Variants in SIRPA observed in about 807,000 individuals in gnomAD.
The protein encoded by SIRPA is tyrosine-protein phosphatase non-receptor type substrate 1.
In SIRPA, 9 loss-of-function variants were observed where a neutral mutation model predicts 50.3. The ratio of observed to expected loss-of-function variants is 0.18; its 90% CI spans 0.11 to 0.31. SIRPA has a LOEUF of 0.31. SIRPA is among the 10% of genes least tolerant of loss of function. SIRPA has a pLI of 1.00. For missense variants in SIRPA, 474 were observed against 661.6 expected, an observed-to-expected ratio of 0.72 and a Z score of 3.11; for synonymous variants, 265 against 284.1, an observed-to-expected ratio of 0.93 and a Z score of 0.68.
Position 1,927,265 on chromosome 20 carries a change from T to G in SIRPA, c.1202-610T>G, listed in dbSNP as rs1319758406. Among the ~76,000 whole-genome samples, 1 of 152,266 alleles carries G rather than the reference T, an allele frequency of 6.6e-6. No homozygotes were observed. The highest frequency in any genetic ancestry group is 1.5e-5 in the Non-Finnish European group (1 of 68,044). ...GGCTGCTGAACCCTGGAGGCTTCTC[T>G]GTGGGTTACCCCATATCACAGGTTT... On this transcript the variant is annotated intron_variant, in intron 5 of 7. Transcript: ENST00000358771. This position sits in a 1 kb window ranked among gnomAD's most constrained non-coding sequence, Gnocchi z 6.5.
intron 6 of SIRPA, among the ~76,000 whole-genome samples, chr20:1,929,241 C>G (rs1269658924): frequency 6.6e-6 from 1 of 151,950 alleles, no homozygotes; most frequent in African/African-American, 2.4e-5. Flanking sequence ...ATGTGGAGCC[C>G]AGACTACAGG....
intron 1 of SIRPA, among the ~76,000 whole-genome samples, chr20:1,908,500 C>A (rs1400461608): frequency 6.6e-6 from 1 of 152,130 alleles, no homozygotes; most frequent in Non-Finnish European, 1.5e-5. Context: ...TGCCCACGCC[C>A]ATGATCCCTA....
chr20:1,927,603 C>T lies in SIRPA; in HGVS notation c.1202-272C>T, dbSNP rs924856785. Among the ~76,000 whole-genome samples the T allele has an allele frequency of 4.6e-5, 7 of 152,160 alleles. No homozygotes were observed. The highest frequency in any genetic ancestry group is 1.3e-4 in the Admixed American group (2 of 15,274). ...AGGTGAGACCCAGACAGAGGTAGGGCGGTTGTCGCCTCCCAGGCTGAAGGC... is the reference window on the plus strand; with the variant it reads ...AGGTGAGACCCAGACAGAGGTAGGGTGGTTGTCGCCTCCCAGGCTGAAGGC... On this transcript the variant is annotated intron_variant, in intron 5 of 7. Coordinates refer to ENST00000358771, the MANE Select transcript of SIRPA (RefSeq NM_001040023.2). The surrounding 1 kb of genome is among the most constrained non-coding windows in gnomAD (Gnocchi z 6.5).
At chr20:1,922,691 T>G in intron 4 of SIRPA, 46 bp downstream of exon 4, 1 of 1,532,356 alleles carries the variant, frequency 6.5e-7, no homozygotes, top group Non-Finnish European at 8.8e-7. Flanking sequence ...AACTTTTAGT[T>G]TTGTGGGTTT....
At chr20:1,899,022 G>T (rs775787146) in intron 1 of SIRPA, among the ~76,000 whole-genome samples, 1 of 151,900 alleles carries the variant, frequency 6.6e-6, no homozygotes, top group Non-Finnish European at 1.5e-5. Context: ...TCCCACACGC[G>T]CTCGCTTGCT....
In SIRPA at chr20:1,928,417, T is replaced by C. The variant is rs368798517; in HGVS notation, c.1226+518T>C. On this transcript the variant is annotated intron_variant, in intron 6 of 7. Transcript: ENST00000358771. This position sits in a 1 kb window ranked among gnomAD's most constrained non-coding sequence, Gnocchi z 4.9. ...CTGATGTACGTCACCGATGGCACTT[T>C]AGTTTGTTGATTCACATTTTTAGTG... is the stretch of plus-strand genomic sequence containing the variant. 1.3e-5 allele frequency among the ~76,000 whole-genome samples: 2 copies of C among 152,210 alleles called. No homozygotes were observed. Among genetic ancestry groups the C allele is most frequent in the South Asian group, 2.1e-4 (1 of 4,830 alleles).
chr20:1,925,436 C>T (rs1466843647), intron 5 of SIRPA, among the ~76,000 whole-genome samples: 1 of 152,226 alleles, frequency 6.6e-6, no homozygotes, highest in Non-Finnish European at 1.5e-5. Context: ...ATATGAGCCA[C>T]CTCCCTAGAA....
At chr20:1,929,843 C>G (rs192227346) in intron 6 of SIRPA, among the ~76,000 whole-genome samples, 1 of 152,336 alleles carries the variant, frequency 6.6e-6, no homozygotes, top group East Asian at 1.9e-4. Flanking sequence ...AAAAAACCTT[C>G]AGTGGCTCTA....
At position 1,915,431 on chromosome 20, in the gene SIRPA, G is replaced by T. The variant is rs750177982; in HGVS notation, c.412G>T (p.Ala138Ser). ...CGATGACGTGGAGTTTAAGTCTGGA[G>T]CAGGCACTGAGCTGTCTGTGCGCGG... Reference protein sequence around the residue: ...SPDDVEFKSGAGTELSVRAKP... With the variant: ...SPDDVEFKSGSGTELSVRAKP... The change falls in exon 2 of 8, where the codon GCA (alanine) becomes TCA (serine). Residue 138 changes from alanine to serine, a missense_variant. Physicochemically the swap from Ala to Ser is moderately conservative, Grantham distance 99 (BLOSUM62 1). This residue lies in a region of SIRPA where 221 missense variants were observed against 359.9 expected (regional missense o/e 0.61). Coordinates refer to ENST00000358771, the MANE Select transcript of SIRPA (RefSeq NM_001040023.2). 1 of 1,613,304 alleles carries T rather than the reference G, an allele frequency of 6.2e-7. No individual in the cohort carries two copies. Among genetic ancestry groups the T allele is most frequent in the Non-Finnish European group, 8.5e-7 (1 of 1,179,490 alleles).
chr20:1,930,751 C>T (rs890610677), intron 6 of SIRPA, among the ~76,000 whole-genome samples: 13 of 152,086 alleles, frequency 8.5e-5, no homozygotes, highest in Admixed American at 2.6e-4. Flanking sequence ...CCACCACCCC[C>T]GGCTAATTTT....
chr20:1,926,200 C>G (rs774364326), intron 5 of SIRPA, among the ~76,000 whole-genome samples: 6 of 152,266 alleles, frequency 3.9e-5, no homozygotes, highest in Non-Finnish European at 8.8e-5. Context: ...GAGTCAGGCC[C>G]TGCTTCTCCA....
chr20:1,904,184 C>G (rs1212383142), intron 1 of SIRPA, among the ~76,000 whole-genome samples: 2 of 152,162 alleles, frequency 1.3e-5, no homozygotes, highest in African/African-American at 4.8e-5. Context: ...ATGAATAGCC[C>G]TAAGATATCA....
At chr20:1,894,490 T>G (rs1289492555), upstream of SIRPA, 1 of 152,070 alleles carries the variant, frequency 6.6e-6, no homozygotes, top group Non-Finnish European at 1.5e-5. The surrounding 1 kb of genome is among the most constrained non-coding windows in gnomAD (Gnocchi z 4.0). Context: ...GCGCTTCCAG[T>G]GCCTTCCAGC....
chr20:1,907,130 C>T (rs1430689459), intron 1 of SIRPA, among the ~76,000 whole-genome samples: 2 of 152,070 alleles, frequency 1.3e-5, no homozygotes, highest in Admixed American at 6.6e-5. Flanking sequence ...CAGAGTCTGC[C>T]CCTTCCCTGC....
intron 1 of SIRPA, among the ~76,000 whole-genome samples, chr20:1,902,195 G>T (rs1984257606): frequency 6.6e-6 from 1 of 152,138 alleles, no homozygotes; most frequent in Non-Finnish European, 1.5e-5. Context: ...GAATCGGGGA[G>T]TATATAAAGC....
rs969975175 is a variant in SIRPA, at chr20:1,934,594, A to G, written c.1227-121A>G. 3 of 845,214 alleles carry G rather than the reference A, an allele frequency of 3.5e-6. No homozygotes were observed. The highest frequency in any genetic ancestry group is 5.8e-6 in the Non-Finnish European group (3 of 521,194). The allele number at this position is 845,214 out of a possible 1,614,324, so 52.4% of individuals were successfully genotyped here. On this transcript the variant is annotated intron_variant, in intron 6 of 7. Transcript: ENST00000358771. The surrounding 1 kb of genome is among the most constrained non-coding windows in gnomAD (Gnocchi z 4.6). The stretch of plus-strand genomic sequence containing the variant: ...GATATGCAGTTGTATTTCTGTTATG[A>G]GTCCTTCGTTCATGTCCTCAACCCA...
chr20:1,937,275 A>G lies in SIRPA; in HGVS notation c.1267-45A>G, dbSNP rs752802439. The G allele has an allele frequency of 2.5e-6, 4 of 1,590,024 alleles. No homozygotes were observed. The highest frequency in any genetic ancestry group is 2.6e-6 in the Non-Finnish European group (3 of 1,165,234). On this transcript the variant is annotated intron_variant, in intron 7 of 7. Coordinates refer to ENST00000358771, the MANE Select transcript of SIRPA (RefSeq NM_001040023.2). The surrounding 1 kb of genome is among the most constrained non-coding windows in gnomAD (Gnocchi z 8.3). The stretch of plus-strand genomic sequence containing the variant: ...TTTGAGTGAGTGGGCCAGGGGCTAT[A>G]GAATGACCTTCTCATGACTTTCTCT...
rs1466608520 is a variant in SIRPA, at chr20:1,937,502, G to C, written c.1449G>C (p.Lys483Asn). 1.4e-5 allele frequency: 22 copies of C among 1,613,992 alleles called. No individual in the cohort carries two copies. The highest frequency in any genetic ancestry group is 1.8e-5 in the Non-Finnish European group (21 of 1,180,028). Residue 483 changes from lysine (K) to asparagine (N), a missense_variant, in exon 8 of 8, where the codon AAG becomes AAC. Physicochemically the swap from Lys to Asn is moderately conservative, Grantham distance 94 (BLOSUM62 0). Around this residue, in one of 4 missense-constraint regions of SIRPA, gnomAD observed 180 missense variants for 206.7 expected, o/e 0.87. Transcript: ENST00000358771. The surrounding 1 kb of genome is among the most constrained non-coding windows in gnomAD (Gnocchi z 8.3). ...LDMVHLNRTP[K>N]QPAPKPEPSF... ...TGGTCCACCTCAACCGGACCCCCAAGCAGCCGGCCCCCAAGCCTGAGCCGT... is the reference window on the plus strand; with the variant it reads ...TGGTCCACCTCAACCGGACCCCCAACCAGCCGGCCCCCAAGCCTGAGCCGT...
intron 1 of SIRPA, among the ~76,000 whole-genome samples, chr20:1,913,649 CCTT>C (rs886096737): frequency 1.3e-5 from 2 of 152,208 alleles, no homozygotes; most frequent in Non-Finnish European, 2.9e-5. Context: ...CTGGTTCTCT[CCTT>C]CTCCCCTATT....
Sources: gnomAD v4.1 joint callset for allele counts (sites outside exome capture counted in the v4.1 genomes callset) on GRCh38, gnomAD v4.1.1 for gene constraint, gnomAD v4.1.1 regional missense constraint, Gnocchi (gnomAD v3.1) non-coding constraint, MANE v1.5 for transcripts, NCBI Gene and HGNC (gene_info 2026-07-23, HGNC 2026-07-21) for gene names.